Variants in MTERF4 observed in about 807,000 individuals in gnomAD.
The protein encoded by MTERF4 is mitochondrial transcription termination factor 4.
Under a neutral mutation model 22.5 loss-of-function variants are expected in MTERF4, and 17 were observed. The observed-to-expected ratio is 0.75, with a 90% CI of 0.52 to 1.13. The LOEUF (loss-of-function observed/expected upper bound fraction) is 1.13. MTERF4 is among the 50% of genes most tolerant of loss of function. The probability of loss-of-function intolerance (pLI) is 0.00; values close to 1 mark genes in which losing one functional copy is unlikely to be tolerated. For missense variants in MTERF4, 420 were observed against 466.8 expected (o/e 0.90, Z 0.92); for synonymous variants, 165 against 175.3 (o/e 0.94, Z 0.47).
At chr2:241,082,163 T>C, downstream of MTERF4, 1 of 799,024 alleles carries the variant, frequency 1.3e-6, no homozygotes, top group Admixed American at 2.3e-5. Context: ...CATCCCGCCT[T>C]GGAGGAAGCC....
the MTERF4 span, among the ~76,000 whole-genome samples, chr2:241,065,828 C>T: frequency 6.6e-6 from 1 of 152,080 alleles, no homozygotes; most frequent in Non-Finnish European, 1.5e-5. Context: ...TAGAATCGAG[C>T]CAAGAGTGGG....
At position 241,075,469 on chromosome 2, in the gene MTERF4, G is replaced by C. The variant is rs2062974931; in HGVS notation, n.693C>G. The C allele has an allele frequency of 6.6e-6, 1 of 152,188 alleles. No homozygotes were observed. The highest frequency in any genetic ancestry group is 2.4e-5 in the African/African-American group (1 of 41,434). 9.4% of individuals were successfully genotyped at this position (152,188 alleles called of 1,614,324 possible). ...GTTTGCATCTCCTGGGCACTGATGT[G>C]ACTGCGCCTCTCCTCATGGGCATCC... is the stretch of plus-strand genomic sequence containing the variant. On this transcript the variant is annotated non_coding_transcript_exon_variant, in exon 5 of 5. Coordinates refer to the MTERF4 transcript ENST00000464344. The surrounding 1 kb of genome is among the most constrained non-coding windows in gnomAD (Gnocchi z 4.8).
downstream of MTERF4, among the ~76,000 whole-genome samples, chr2:241,082,978 G>GTCCATTTAGTCAACAGATGAC (rs2063401743): frequency 2.0e-5 from 3 of 152,310 alleles, no homozygotes; most frequent in South Asian, 2.1e-4. Flanking sequence ...GCCGGGCACT[G>GTCCATTTAGTCAACAGATGAC]TTCTAGATAC....
At chr2:241,071,923 T>C, downstream of MTERF4, 2 of 1,435,028 alleles carry the variant, frequency 1.4e-6, no homozygotes, top group Non-Finnish European at 1.9e-6. Flanking sequence ...CCCACCCTCG[T>C]CCTCACTGCC....
chr2:241,067,384 G>A (rs961058664), downstream of MTERF4, among the ~76,000 whole-genome samples: 8 of 152,228 alleles, frequency 5.3e-5, no homozygotes, highest in Non-Finnish European at 1.0e-4. Flanking sequence ...CCGGATGTGT[G>A]CTCTTAGACC....
At chr2:241,064,824 G>A in the MTERF4 span, 12 of 1,552,550 alleles carry the variant, frequency 7.7e-6, no homozygotes, top group Non-Finnish European at 1.0e-5. The surrounding 1 kb of genome is among the most constrained non-coding windows in gnomAD (Gnocchi z 7.0). Flanking sequence ...AACATACACT[G>A]CCACTTTTTC....
chr2:241,065,610 G>A, the MTERF4 span: 1 of 1,608,014 alleles, frequency 6.2e-7, no homozygotes, highest in Non-Finnish European at 8.5e-7. Context: ...GTGTCCCCGA[G>A]CCTGGCCGTC....
rs1321373931 is a variant in MTERF4 at position 241,073,459 on chromosome 2, A to T, written n.2703T>A. On this transcript the variant is annotated non_coding_transcript_exon_variant, in exon 5 of 5. Coordinates refer to the MTERF4 transcript ENST00000464344. This position sits in a 1 kb window ranked among gnomAD's most constrained non-coding sequence, Gnocchi z 6.6. ...CAGGAGGGACCACCCACGGTGAGGA[A>T]TCAGGAGGCACAGAGCCTACCTGAG... 4.9e-6 allele frequency: 5 copies of T among 1,018,156 alleles called. No individual in the cohort carries two copies. Among genetic ancestry groups the T allele is most frequent in the Non-Finnish European group, 7.6e-6 (5 of 661,716 alleles). The allele number at this position is 1,018,156 out of a possible 1,614,324, so 63.1% of individuals were successfully genotyped here.
downstream of MTERF4, chr2:241,071,809 G>A (rs1428700090): frequency 3.1e-6 from 5 of 1,598,700 alleles, no homozygotes; most frequent in Non-Finnish European, 4.3e-6. Flanking sequence ...CTCGGAGCTT[G>A]TGGACGGCAG....
At chr2:241,071,315 C>T, downstream of MTERF4, 1 of 568,190 alleles carries the variant, frequency 1.8e-6, no homozygotes. Flanking sequence ...TCAGCCCTGC[C>T]TCATGACTCC....
chr2:241,061,401 G>C, the MTERF4 span, among the ~76,000 whole-genome samples: 1 of 152,238 alleles, frequency 6.6e-6, no homozygotes, highest in Non-Finnish European at 1.5e-5. Flanking sequence ...CTTATGCATT[G>C]CTGGCAAGAG....
downstream of MTERF4, among the ~76,000 whole-genome samples, chr2:241,067,377 G>T (rs867822422): frequency 6.6e-5 from 10 of 152,352 alleles, 1 homozygote; most frequent in Middle Eastern, 0.01. Flanking sequence ...ACCAGGCCCG[G>T]ATGTGTGCTC....
chr2:241,096,305 T>C lies in MTERF4; in HGVS notation c.839A>G (p.Lys280Arg). ...RLGRYQTPDK[K>R]GQTQIPNPLL... ...TGGGTTAGGGATCTGTGTCTGCCCC[T>C]TCTTATCAGGGGTTTGGTACCGTCC... Residue 280 changes from lysine (K) to arginine (R), a missense_variant, in exon 4 of 4, where the codon AAG becomes AGG. Coordinates refer to ENST00000391980, the MANE Select transcript of MTERF4 (RefSeq NM_182501.4). This position sits in a 1 kb window ranked among gnomAD's most constrained non-coding sequence, Gnocchi z 5.1. 6.2e-7 allele frequency: 1 copy of C among 1,614,230 alleles called. No homozygotes were observed. The highest frequency in any genetic ancestry group is 8.5e-7 in the Non-Finnish European group (1 of 1,180,042).
chr2:241,065,342 G>A, the MTERF4 span: 17 of 1,612,902 alleles, frequency 1.1e-5, no homozygotes, highest in African/African-American at 1.7e-4. Flanking sequence ...GAGTGGAGGA[G>A]AGTGGGGTCT....
chr2:241,048,719 C>A, the MTERF4 span: 1 of 1,613,018 alleles, frequency 6.2e-7, no homozygotes, highest in Non-Finnish European at 8.5e-7. Flanking sequence ...GCCAACACCA[C>A]CCTCTGCCAG....
chr2:241,076,063 C>A (rs1273369250), intron 4 of MTERF4, among the ~76,000 whole-genome samples: 1 of 152,224 alleles, frequency 6.6e-6, no homozygotes, highest in Non-Finnish European at 1.5e-5. Context: ...AGTCCTGGAA[C>A]TGATTGGCAA....
rs2062851400 is a variant in MTERF4 at position 241,073,521 on chromosome 2, T to G, written n.2641A>C. 2 of 687,326 alleles carry G rather than the reference T, an allele frequency of 2.9e-6. No homozygotes were observed. Among genetic ancestry groups the G allele is most frequent in the African/African-American group, 1.8e-5 (1 of 56,542 alleles). The allele number at this position is 687,326 out of a possible 1,614,324, so 42.6% of individuals were successfully genotyped here. A position where few individuals can be genotyped will look rare whatever the true frequency, so the allele number is the denominator to read the frequency against. ...CACCAGGCACCCCGGTGTGGGAAGA[T>G]GGGGTGAAGCTACACCACCCAAGCA... On this transcript the variant is annotated non_coding_transcript_exon_variant, in exon 5 of 5. Transcript: ENST00000464344. The surrounding 1 kb of genome is among the most constrained non-coding windows in gnomAD (Gnocchi z 6.6).
the MTERF4 span, among the ~76,000 whole-genome samples, chr2:241,066,159 AC>A: frequency 6.6e-6 from 1 of 152,018 alleles, no homozygotes; most frequent in Non-Finnish European, 1.5e-5. Flanking sequence ...ACCAGATGTG[AC>A]CCCTGAAGAG....
At chr2:241,043,261 C>A in the MTERF4 span, among the ~76,000 whole-genome samples, 1 of 152,162 alleles carries the variant, frequency 6.6e-6, no homozygotes, top group East Asian at 1.9e-4. Context: ...ACCTCAAAAA[C>A]AGCCAGAGGA....
Sources: allele counts gnomAD v4.1 joint callset (sites outside exome capture counted in the v4.1 genomes callset), GRCh38; gene constraint gnomAD v4.1.1; non-coding constraint Gnocchi (gnomAD v3.1); transcripts MANE v1.5; gene names NCBI Gene and HGNC (gene_info 2026-07-23, HGNC 2026-07-21).